FAT2: variants seen among roughly 807,000 people sequenced by gnomAD.
The protein encoded by FAT2 is FAT atypical cadherin 2.
FAT2 carries 150 observed loss-of-function variants against 295.3 expected under a neutral mutation model. The ratio of observed to expected loss-of-function variants is 0.51; its 90% CI spans 0.44 to 0.58. The LOEUF is 0.58. Among genes scored for constraint, FAT2 ranks in the 20% least tolerant of loss-of-function variants. FAT2 has a pLI of 0.00. For missense variants in FAT2, 4,868 were observed against 5,442.7 expected, an observed-to-expected ratio of 0.89 and a Z score of 3.32; for synonymous variants, 2,026 against 2,150.3, an observed-to-expected ratio of 0.94 and a Z score of 1.60.
chr5:151,534,750 C>A, intron 12 of FAT2, 108 bp from the exon 13 acceptor site: 1 of 917,458 alleles, frequency 1.1e-6, no homozygotes, highest in Admixed American at 2.2e-5. Flanking sequence ...GAGTTTTGTT[C>A]ACAGCAAGGA....
rs778951373 is a variant in FAT2, at chr5:151,549,508, A to C, written c.4579-3T>G. On this transcript the variant is annotated splice_region_variant and splice_polypyrimidine_tract_variant and intron_variant, in intron 8 of 23. Coordinates refer to ENST00000261800, the MANE Select transcript of FAT2 (RefSeq NM_001447.3). ...ATAGGTATTTCCTGGTCTCGGACCT[A>C]TGGGCCCAAAGGGGGTAATTGGGTA... is the stretch of plus-strand genomic sequence containing the variant. 32 of 1,613,838 alleles carry C rather than the reference A, an allele frequency of 2.0e-5. No homozygotes were observed. The highest frequency in any genetic ancestry group is 4.2e-6 in the Non-Finnish European group (5 of 1,179,860).
rs762555639 is a variant in FAT2, at chr5:151,521,590, A to G, written c.11003T>C (p.Leu3668Ser). The change falls in exon 19 of 24, where the codon TTG becomes TCG. Residue 3668 changes from leucine to serine, a missense_variant. This residue lies in a region of FAT2 where 1,046 missense variants were observed against 1,210.1 expected (regional missense o/e 0.86). Coordinates refer to ENST00000261800, the MANE Select transcript of FAT2 (RefSeq NM_001447.3). Reference sequence around the variant, plus strand: ...GGCCTCTGCAGGCTGGAGGCTGGCCAAGTGAATGTTAGCCCGTTTGATGTC... The same window carrying G: ...GGCCTCTGCAGGCTGGAGGCTGGCCGAGTGAATGTTAGCCCGTTTGATGTC... ...KLDIKRANIH[L>S]ASLQPAEAVA... The G allele has an allele frequency of 6.2e-7, 1 of 1,614,212 alleles. No individual in the cohort carries two copies. The highest frequency in any genetic ancestry group is 8.5e-7 in the Non-Finnish European group (1 of 1,180,028).
intron 6 of FAT2, 46 bp downstream of exon 6, chr5:151,553,131 A>C (rs1477207989): frequency 1.3e-6 from 2 of 1,577,502 alleles, no homozygotes; most frequent in Non-Finnish European, 1.7e-6. Context: ...CTGGTGTATA[A>C]GGATGGGAGG....
In FAT2 at chr5:151,542,669, T is replaced by C. The variant is rs1756266220; in HGVS notation, c.8458A>G (p.Thr2820Ala). The C allele has an allele frequency of 6.2e-7, 1 of 1,614,076 alleles. No individual in the cohort carries two copies. The highest frequency in any genetic ancestry group is 8.5e-7 in the Non-Finnish European group (1 of 1,180,038). ...MPVGTSVIQV[T>A]AIDKDTGRDG... is the part of the protein sequence containing the mutation. ...CTCCCAGTGTCCTTGTCAATGGCAG[T>C]CACTTGAATGACTGAGGTCCCCACT... Residue 2820 changes from threonine (T) to alanine (A), a missense_variant, in exon 10 of 24, where the codon ACT becomes GCT. Around this residue, in one of 5 missense-constraint regions of FAT2, gnomAD observed 3,297 missense variants for 3,669.4 expected, o/e 0.90. Coordinates refer to ENST00000261800, the MANE Select transcript of FAT2 (RefSeq NM_001447.3).
chr5:151,523,431 C>T (rs1356666056), intron 18 of FAT2, among the ~76,000 whole-genome samples: 1 of 152,188 alleles, frequency 6.6e-6, no homozygotes, highest in Non-Finnish European at 1.5e-5. Context: ...ATAACTGAGG[C>T]TCAAAGAGGT....
intron 6 of FAT2, among the ~76,000 whole-genome samples, chr5:151,552,824 G>A (rs561402124): frequency 7.2e-5 from 11 of 152,270 alleles, no homozygotes; most frequent in Admixed American, 2.6e-4. Flanking sequence ...GCAGGCTCAC[G>A]GTCAACTATG....
rs1323064305 is a variant in FAT2, at chr5:151,559,698, TTTTTC to T, written c.3575-3301_3575-3297del. Among the ~76,000 whole-genome samples the T allele has an allele frequency of 9.2e-5, 14 of 151,960 alleles. 1 individual carries two copies. Among genetic ancestry groups the T allele is most frequent in the African/African-American group, 2.9e-4 (12 of 41,420 alleles). On this transcript the variant is annotated intron_variant, in intron 3 of 23. Transcript: ENST00000261800. ...CCCTCTCTCCCCCAACCCCATTTGG[TTTTTC>T]TTTTCTACTTCTGCCTCTCACCACT...
In FAT2 at chr5:151,568,844, C is replaced by G. The variant is rs765790212; in HGVS notation, c.88G>C (p.Ala30Pro). ...KPLEGILSSS[A>P]WHFTHSHYNA... Reference sequence around the variant, plus strand: ...TAATGGGAGTGTGTGAAGTGCCAAGCAGAGGAGGAGAGAATCCCTTCTAGA... The same window carrying G: ...TAATGGGAGTGTGTGAAGTGCCAAGGAGAGGAGGAGAGAATCCCTTCTAGA... The change falls in exon 2 of 24, where the codon GCT (alanine) becomes CCT (proline). Residue 30 changes from alanine to proline, a missense_variant. This residue lies in a region of FAT2 where 3,297 missense variants were observed against 3,669.4 expected (regional missense o/e 0.90). Transcript: ENST00000261800. 2 of 1,613,966 alleles carry G rather than the reference C, an allele frequency of 1.2e-6. No homozygotes were observed. The highest frequency in any genetic ancestry group is 2.2e-5 in the East Asian group (1 of 44,874).
chr5:151,507,687 G>A, intron 22 of FAT2, 76 bp from the exon 23 acceptor site: 1 of 1,325,188 alleles, frequency 7.5e-7, no homozygotes, highest in Non-Finnish European at 1.0e-6. Flanking sequence ...AGATCTATGG[G>A]ATAGAGACTG....
chr5:151,513,586 C>G (rs1037310213), intron 20 of FAT2, among the ~76,000 whole-genome samples: 1 of 147,428 alleles, frequency 6.8e-6, no homozygotes. Flanking sequence ...GACATCAGGG[C>G]CTACTTGAGG....
At chr5:151,590,631 A>G in intron 1 of FAT2, among the ~76,000 whole-genome samples, 1 of 152,290 alleles carries the variant, frequency 6.6e-6, no homozygotes, top group East Asian at 1.9e-4. Flanking sequence ...CTCAGCAGCT[A>G]CAGGAGAACC....
rs940970052 is a variant in FAT2 at position 151,531,451 on chromosome 5, A to G, written c.9811+136T>C. 2.3e-5 allele frequency: 28 copies of G among 1,217,030 alleles called. No individual in the cohort carries two copies. The highest frequency in any genetic ancestry group is 1.5e-5 in the African/African-American group (1 of 65,480). 75.4% of individuals were successfully genotyped at this position (1,217,030 alleles called of 1,614,324 possible). On this transcript the variant is annotated intron_variant, in intron 14 of 23. Coordinates refer to ENST00000261800, the MANE Select transcript of FAT2 (RefSeq NM_001447.3). This position sits in a 1 kb window ranked among gnomAD's most constrained non-coding sequence, Gnocchi z 5.7. ...GACCTGGTACTCGGAGAGAAGCAGA[A>G]GAGAATGGAGAAACGACCAGAGGAG...
chr5:151,587,330 C>T (rs924245390), intron 1 of FAT2, among the ~76,000 whole-genome samples: 2 of 151,758 alleles, frequency 1.3e-5, no homozygotes, highest in African/African-American at 2.4e-5. Flanking sequence ...CTGACACATA[C>T]AAAAAAGAGG....
rs1421111359 is a variant in FAT2 at position 151,553,161 on chromosome 5, C to T, written c.4156+16G>A. On this transcript the variant is annotated intron_variant, in intron 6 of 23. Coordinates refer to ENST00000261800, the MANE Select transcript of FAT2 (RefSeq NM_001447.3). Reference sequence around the variant, plus strand: ...GGGAGGGGTTGGCCCTTGTTGGGCCCTAGGCCTTGCCTCACCTGAGATGTT... The same window carrying T: ...GGGAGGGGTTGGCCCTTGTTGGGCCTTAGGCCTTGCCTCACCTGAGATGTT... 6.2e-7 allele frequency: 1 copy of T among 1,613,850 alleles called. No homozygotes were observed. Among genetic ancestry groups the T allele is most frequent in the Non-Finnish European group, 8.5e-7 (1 of 1,179,716 alleles).
At chr5:151,522,246 C>A in intron 18 of FAT2, 160 bp from the exon 19 acceptor site, 1 of 580,178 alleles carries the variant, frequency 1.7e-6, no homozygotes, top group Non-Finnish European at 3.0e-6. Flanking sequence ...AACCTAACTC[C>A]AAAAGCACTG....
At chr5:151,508,800 G>A (rs1761092004) in intron 22 of FAT2, among the ~76,000 whole-genome samples, 1 of 151,978 alleles carries the variant, frequency 6.6e-6, no homozygotes, top group Non-Finnish European at 1.5e-5. Flanking sequence ...TACTGCAGCT[G>A]TAAAATGAGT....
At chr5:151,551,350 TA>T in intron 7 of FAT2, 116 bp downstream of exon 7, 2 of 1,101,728 alleles carry the variant, frequency 1.8e-6, no homozygotes, top group African/African-American at 1.6e-5. Context: ...ACTTTGATTC[TA>T]AATTCAGTGT....
chr5:151,516,191 C>A (rs1458691009), intron 20 of FAT2, among the ~76,000 whole-genome samples: 1 of 152,164 alleles, frequency 6.6e-6, no homozygotes, highest in Non-Finnish European at 1.5e-5. Context: ...TGAAAGCTTC[C>A]CTGGCCACCT....
intron 19 of FAT2, among the ~76,000 whole-genome samples, chr5:151,519,338 C>T (rs549207077): frequency 6.6e-6 from 1 of 152,310 alleles, no homozygotes; most frequent in South Asian, 2.1e-4. Context: ...AGCGAGACTT[C>T]ATCTCAAAAA....
Sources: gnomAD v4.1 joint callset for allele counts (sites outside exome capture counted in the v4.1 genomes callset) on GRCh38, gnomAD v4.1.1 for gene constraint, gnomAD v4.1.1 regional missense constraint, Gnocchi (gnomAD v3.1) non-coding constraint, MANE v1.5 for transcripts, NCBI Gene and HGNC (gene_info 2026-07-23, HGNC 2026-07-21) for gene names.